LDAH: variants seen among roughly 807,000 people sequenced by gnomAD.
LDAH encodes lipid droplet associated hydrolase, also known as lipid droplet-associated hydrolase.
Under a neutral mutation model 29.6 loss-of-function variants are expected in LDAH, and 26 were observed. The observed-to-expected ratio is 0.88, with a 90% CI of 0.64 to 1.22. The LOEUF (loss-of-function observed/expected upper bound fraction) is 1.22, where lower values mean the gene tolerates loss of function less well. Ranked by LOEUF, LDAH falls within the 50% of genes most tolerant of loss-of-function variation. The probability of loss-of-function intolerance (pLI) is 0.00; values close to 1 mark genes in which losing one functional copy is unlikely to be tolerated. For missense variants in LDAH, 344 were observed against 387.3 expected (o/e 0.89, Z 0.94); for synonymous variants, 117 against 133.0 (o/e 0.88, Z 0.83).
At chr2:20,703,039 T>C (rs1403482032) in intron 5 of LDAH, among the ~76,000 whole-genome samples, 3 of 152,232 alleles carry the variant, frequency 2.0e-5, no homozygotes, top group Non-Finnish European at 4.4e-5. Context: ...TTGGTCAGGC[T>C]GGTCTTGAAC....
intron 4 of LDAH, among the ~76,000 whole-genome samples, chr2:20,764,389 A>G (rs1668888503): frequency 6.6e-6 from 1 of 152,226 alleles, no homozygotes; most frequent in Non-Finnish European, 1.5e-5. Context: ...AATGGGTCAC[A>G]TAGAGGTAAC....
chr2:20,685,442 G>T lies in LDAH; in HGVS notation c.*1461C>A. 7.0e-7 allele frequency: 1 copy of T among 1,420,102 alleles called. No homozygotes were observed. The highest frequency in any genetic ancestry group is 9.4e-7 in the Non-Finnish European group (1 of 1,060,466). 88.0% of individuals were successfully genotyped at this position (1,420,102 alleles called of 1,614,324 possible). A position where few individuals can be genotyped will look rare whatever the true frequency, so the allele number is the denominator to read the frequency against. On this transcript the variant is annotated 3_prime_UTR_variant, in exon 7 of 7. Transcript: ENST00000237822. The stretch of plus-strand genomic sequence containing the variant: ...TATGTATCTATTAGCTCTTCCCCTT[G>T]GGCTAACAGCACTCCTTGTCTGGAG...
At chr2:20,709,392 C>T (rs1046040512) in intron 5 of LDAH, among the ~76,000 whole-genome samples, 3 of 151,948 alleles carry the variant, frequency 2.0e-5, no homozygotes, top group Non-Finnish European at 4.4e-5. Context: ...GTACAAATGG[C>T]CAATAAGCAT....
chr2:20,782,684 A>C (rs1670277474), intron 3 of LDAH, among the ~76,000 whole-genome samples: 1 of 152,048 alleles, frequency 6.6e-6, no homozygotes, highest in Admixed American at 6.5e-5. Context: ...TTTCTTTCTG[A>C]ATACTTGTAA....
intron 4 of LDAH, among the ~76,000 whole-genome samples, chr2:20,751,104 G>A (rs529935009): frequency 1.8e-4 from 27 of 152,222 alleles, no homozygotes; most frequent in South Asian, 8.3e-4. Flanking sequence ...CAATATTCCC[G>A]TTTGACAAAC....
At chr2:20,701,797 T>C in intron 5 of LDAH, 145 bp from the exon 6 acceptor site, 1 of 676,618 alleles carries the variant, frequency 1.5e-6, no homozygotes, top group South Asian at 1.7e-5. Flanking sequence ...CAGAGGAATG[T>C]GAGTCAGGCA....
At chr2:20,727,320 C>T (rs1666090647) in intron 5 of LDAH, among the ~76,000 whole-genome samples, 1 of 152,150 alleles carries the variant, frequency 6.6e-6, no homozygotes, top group Admixed American at 6.5e-5. Flanking sequence ...CTGGTTTCGT[C>T]TTACTCAAAA....
At chr2:20,704,341 C>G (rs1664160953) in intron 5 of LDAH, among the ~76,000 whole-genome samples, 1 of 152,166 alleles carries the variant, frequency 6.6e-6, no homozygotes, top group Non-Finnish European at 1.5e-5. Flanking sequence ...GACTATAAGA[C>G]TCTAAGTCCC....
intron 5 of LDAH, among the ~76,000 whole-genome samples, chr2:20,720,225 C>CA (rs1489176499): frequency 5.3e-5 from 8 of 151,942 alleles, no homozygotes; most frequent in Non-Finnish European, 7.4e-5. Context: ...AAGACTCCAT[C>CA]AAAAAACTCT....
intron 5 of LDAH, among the ~76,000 whole-genome samples, chr2:20,705,861 G>T (rs1664267089): frequency 6.6e-6 from 1 of 151,976 alleles, no homozygotes; most frequent in South Asian, 2.1e-4. Flanking sequence ...TTTTCACATA[G>T]TTATACCGCA....
chr2:20,790,877 C>CATG (rs1206039208), intron 2 of LDAH, among the ~76,000 whole-genome samples: 1 of 152,146 alleles, frequency 6.6e-6, no homozygotes, highest in Admixed American at 6.5e-5. Context: ...GTATTTTTGA[C>CATG]ATGAGTTTGC....
At chr2:20,739,072 G>A (rs1202847311) in intron 5 of LDAH, among the ~76,000 whole-genome samples, 2 of 152,208 alleles carry the variant, frequency 1.3e-5, no homozygotes, top group African/African-American at 2.4e-5. Flanking sequence ...ATAACTTTGG[G>A]CAATCATGTA....
At chr2:20,722,437 A>C (rs2149401125) in intron 5 of LDAH, among the ~76,000 whole-genome samples, 1 of 151,754 alleles carries the variant, frequency 6.6e-6, no homozygotes, top group South Asian at 2.1e-4. Flanking sequence ...AATGGTCACT[A>C]CCAGAGGCTT....
At chr2:20,701,911 A>G (rs1432205977) in intron 5 of LDAH, among the ~76,000 whole-genome samples, 3 of 152,208 alleles carry the variant, frequency 2.0e-5, no homozygotes, top group Non-Finnish European at 2.9e-5. Flanking sequence ...CCACAGCCCA[A>G]TGTCAGATAC....
At chr2:20,746,467 G>A (rs573985301) in intron 4 of LDAH, among the ~76,000 whole-genome samples, 2 of 152,112 alleles carry the variant, frequency 1.3e-5, no homozygotes, top group Admixed American at 1.3e-4. Context: ...CATTGAATGC[G>A]TCACTGCCTT....
chr2:20,692,734 G>A (rs1228527889), intron 6 of LDAH, among the ~76,000 whole-genome samples: 2 of 152,126 alleles, frequency 1.3e-5, no homozygotes, highest in Non-Finnish European at 2.9e-5. Flanking sequence ...TGTTTCCAAC[G>A]AGAAATCCAG....
intron 1 of LDAH, among the ~76,000 whole-genome samples, chr2:20,804,257 T>C (rs1671916490): frequency 6.6e-6 from 1 of 152,164 alleles, no homozygotes; most frequent in Non-Finnish European, 1.5e-5. Flanking sequence ...TGTAGTGAAA[T>C]GGGAAATTCC....
intron 5 of LDAH, among the ~76,000 whole-genome samples, chr2:20,714,354 C>G (rs922134825): frequency 7.2e-5 from 11 of 152,096 alleles, no homozygotes; most frequent in Admixed American, 6.6e-4. Context: ...ACACAACGTA[C>G]CAGGATCTCT....
chr2:20,766,177 T>A lies in LDAH; in HGVS notation c.468+8633A>T, dbSNP rs1304224840. On this transcript the variant is annotated intron_variant, in intron 4 of 6. Coordinates refer to ENST00000237822, the MANE Select transcript of LDAH (RefSeq NM_021925.4). ...AGTGAAACAAAAGTTTCATAATACA[T>A]GCCTTTACTGCAATATATTTTTATT... 3.3e-5 allele frequency among the ~76,000 whole-genome samples: 5 copies of A among 152,186 alleles called. No individual in the cohort carries two copies. In the East Asian group the frequency reaches 9.6e-4, roughly 29 times the overall value.
Sources: gnomAD v4.1 joint callset for allele counts (sites outside exome capture counted in the v4.1 genomes callset) on GRCh38, gnomAD v4.1.1 for gene constraint, MANE v1.5 for transcripts, NCBI Gene and HGNC (gene_info 2026-07-23, HGNC 2026-07-21) for gene names.